Variants in CNTN4 observed in about 807,000 individuals in gnomAD.
The protein encoded by CNTN4 is contactin-4.
Under a neutral mutation model 122.5 loss-of-function variants are expected in CNTN4, and 77 were observed. The ratio of observed to expected loss-of-function variants is 0.63; its 90% CI spans 0.52 to 0.76. The LOEUF (loss-of-function observed/expected upper bound fraction) is 0.76. Among genes scored for constraint, CNTN4 ranks in the 30% least tolerant of loss-of-function variants. CNTN4 has a pLI of 0.00. For synonymous variants in CNTN4, 512 were observed against 447.0 expected, an observed-to-expected ratio of 1.15 and a Z score of -1.83; for missense variants, 1,256 against 1,259.1, an observed-to-expected ratio of 1.00 and a Z score of 0.04.
chr3:2,298,477 C>A (rs1449576773), intron 2 of CNTN4, among the ~76,000 whole-genome samples: 1 of 151,858 alleles, frequency 6.6e-6, no homozygotes, highest in Admixed American at 6.6e-5. Flanking sequence ...ATCAAAATGC[C>A]CTTGAAAAAA....
Position 2,830,967 on chromosome 3 carries a change from G to A in CNTN4, c.454+11386G>A, listed in dbSNP as rs374631221. ...TAGGAGCTCAGAAATCGAAGGCTCA[G>A]AAATGGATATTTACCACTCTCAGGG... On this transcript the variant is annotated intron_variant, in intron 7 of 24. Coordinates refer to ENST00000418658, the MANE Select transcript of CNTN4 (RefSeq NM_175607.3). Among the ~76,000 whole-genome samples the A allele has an allele frequency of 5.9e-5, 9 of 152,192 alleles. No individual in the cohort carries two copies. In the East Asian group the frequency reaches 9.6e-4, roughly 16 times the overall value.
intron 23 of CNTN4, among the ~76,000 whole-genome samples, chr3:3,047,484 C>G (rs544096535): frequency 1.3e-5 from 2 of 150,658 alleles, no homozygotes; most frequent in African/African-American, 2.4e-5. Context: ...CACTCAAAAC[C>G]GCTCAACTAC....
In CNTN4 at chr3:3,038,909, C is replaced by G. The variant is rs746306748; in HGVS notation, c.2093-24C>G. 4 of 1,611,952 alleles carry G rather than the reference C, an allele frequency of 2.5e-6. No homozygotes were observed. The Admixed American group carries it at 6.7e-5, about 27-fold the overall frequency. ...CATTCGCCTTTGCCGCCTGACATAACTTGTTTTTTGTCTCCTTGTGCAGTC... is the reference window on the plus strand; with the variant it reads ...CATTCGCCTTTGCCGCCTGACATAAGTTGTTTTTTGTCTCCTTGTGCAGTC... On this transcript the variant is annotated intron_variant, in intron 18 of 24. Transcript: ENST00000418658.
intron 4 of CNTN4, among the ~76,000 whole-genome samples, chr3:2,596,569 T>C (rs2080780574): frequency 6.6e-6 from 1 of 151,640 alleles, no homozygotes; most frequent in African/African-American, 2.4e-5. Context: ...AGATAATATA[T>C]ATTTATGCAC....
intron 3 of CNTN4, among the ~76,000 whole-genome samples, chr3:2,537,839 C>G (rs558176959): frequency 4.2e-4 from 64 of 152,068 alleles, no homozygotes; most frequent in African/African-American, 1.5e-3. Flanking sequence ...AAGCTGAAAA[C>G]AAAGTAATTG....
intron 6 of CNTN4, among the ~76,000 whole-genome samples, chr3:2,752,556 G>T (rs987222621): frequency 1.3e-5 from 2 of 152,000 alleles, no homozygotes; most frequent in Non-Finnish European, 2.9e-5. Context: ...ATAGAGACAG[G>T]GTTTCACCGG....
chr3:2,126,850 G>T (rs937959788), intron 2 of CNTN4, among the ~76,000 whole-genome samples: 17 of 152,112 alleles, frequency 1.1e-4, no homozygotes, highest in African/African-American at 3.9e-4. Context: ...GAAATAAAGA[G>T]ACGAGAAATA....
chr3:2,220,531 A>G (rs2039021509), intron 2 of CNTN4, among the ~76,000 whole-genome samples: 1 of 152,146 alleles, frequency 6.6e-6, no homozygotes, highest in African/African-American at 2.4e-5. Flanking sequence ...AATGAATGAC[A>G]TTAATATTTT....
intron 2 of CNTN4, among the ~76,000 whole-genome samples, chr3:2,287,632 GAGAAGAAGAAGAAGAAGAAGAAGAAGA>G (rs1210971247): frequency 1.6e-4 from 8 of 49,514 alleles, no homozygotes; most frequent in African/African-American, 5.7e-4. Context: ...GAAGGAGAAG[GAGAAGAAGAAGAAGAAGAAGAAGAAGA>G]AGAAGAAGAA....
At chr3:2,991,100 A>T (rs1443738139) in intron 14 of CNTN4, among the ~76,000 whole-genome samples, 1 of 152,244 alleles carries the variant, frequency 6.6e-6, no homozygotes, top group Non-Finnish European at 1.5e-5. Context: ...TGACTTGAGG[A>T]CAATTTCCAG....
chr3:2,474,662 T>C (rs1488940281), intron 3 of CNTN4, among the ~76,000 whole-genome samples: 4 of 152,178 alleles, frequency 2.6e-5, no homozygotes, highest in Non-Finnish European at 5.9e-5. Context: ...AAACAACATT[T>C]AGAATAAGCC....
rs546547492 is a variant in CNTN4, at chr3:2,211,573, C to T, written c.-145+110934C>T. Among the ~76,000 whole-genome samples, 9 of 152,242 alleles carry T rather than the reference C, an allele frequency of 5.9e-5. No homozygotes were observed. The South Asian group carries it at 1.0e-3, about 18-fold the overall frequency. ...TTTTAAAAAATTTTCATATATAAGG[C>T]ATTCTAAAACCTGTATGATAACACA... On this transcript the variant is annotated intron_variant, in intron 2 of 24. Transcript: ENST00000418658.
chr3:2,451,859 G>T (rs186181908), intron 3 of CNTN4, among the ~76,000 whole-genome samples: 212 of 152,106 alleles, frequency 1.4e-3, no homozygotes, highest in Non-Finnish European at 2.4e-3. Context: ...CAATGTACTG[G>T]TTACTTTTGT....
In CNTN4 at chr3:2,534,663, C is replaced by T. The variant is rs185256743; in HGVS notation, c.-88-36753C>T. ...CAGCTGAGGGCTGTGACTTCAGAGC[C>T]TTGGCCCTGTTTCATCTTTTTATGT... is the stretch of plus-strand genomic sequence containing the variant. On this transcript the variant is annotated intron_variant, in intron 3 of 24. Coordinates refer to ENST00000418658, the MANE Select transcript of CNTN4 (RefSeq NM_175607.3). Among the ~76,000 whole-genome samples, 26 of 151,854 alleles carry T rather than the reference C, an allele frequency of 1.7e-4. No individual in the cohort carries two copies. In the East Asian group the frequency reaches 4.7e-3, roughly 27 times the overall value.
intron 10 of CNTN4, among the ~76,000 whole-genome samples, chr3:2,887,722 C>G (rs1010242667): frequency 6.6e-6 from 1 of 152,108 alleles, no homozygotes; most frequent in Non-Finnish European, 1.5e-5. Context: ...CAGAGTGGAA[C>G]GTGACAAATC....
chr3:2,270,012 C>G (rs867916537), intron 2 of CNTN4, among the ~76,000 whole-genome samples: 1,959 of 99,676 alleles, frequency 0.02, 643 homozygotes, highest in Middle Eastern at 0.081. Flanking sequence ...TGCAGTGGCG[C>G]AATCTCGGCT....
intron 3 of CNTN4, among the ~76,000 whole-genome samples, chr3:2,549,560 T>C (rs1221649817): frequency 4.6e-5 from 7 of 152,196 alleles, no homozygotes; most frequent in Non-Finnish European, 1.0e-4. Context: ...GACTTGATCA[T>C]GGTGGATAAG....
At position 2,186,678 on chromosome 3, in the gene CNTN4, T is replaced by C. The variant is rs376824908; in HGVS notation, c.-145+86039T>C. Among the ~76,000 whole-genome samples the C allele has an allele frequency of 3.2e-3, 494 of 152,294 alleles. 3 individuals carry two copies. Among genetic ancestry groups the C allele is most frequent in the African/African-American group, 0.011 (461 of 41,572 alleles). ...GTTTTGATTTGCATTTCTCTGATGG[T>C]CAGTGATGATGAGCATTTTTTCATG... On this transcript the variant is annotated intron_variant, in intron 2 of 24. Transcript: ENST00000418658.
rs561913945 is a variant in CNTN4, at chr3:2,887,131, C to A, written c.847C>A (p.Pro283Thr). Residue 283 changes from proline (P) to threonine (T), a missense_variant, in exon 10 of 25, where the codon CCT becomes ACT. Physicochemically the swap from Pro to Thr is conservative, Grantham distance 38 (BLOSUM62 -1). Transcript: ENST00000418658. ...CAAGTCAAATGGAATTCTTGAGATC[C>A]CTAATTTTCAGCAGGAGGATGCTGG... The part of the protein sequence containing the change: ...RHKSNGILEI[P>T]NFQQEDAGLY... 8.1e-6 allele frequency: 13 copies of A among 1,614,066 alleles called. No individual in the cohort carries two copies. The African/African-American group carries it at 1.6e-4, about 20-fold the overall frequency.
Sources: gnomAD v4.1 joint callset for allele counts (sites outside exome capture counted in the v4.1 genomes callset) on GRCh38, gnomAD v4.1.1 for gene constraint, MANE v1.5 for transcripts, NCBI Gene and HGNC (gene_info 2026-07-23, HGNC 2026-07-21) for gene names.